STIL: variants seen among roughly 807,000 people sequenced by gnomAD.
STIL encodes SCL-interrupting locus protein.
Under a neutral mutation model 110.1 loss-of-function variants are expected in STIL, and 55 were observed. The observed-to-expected ratio is 0.50, with a 90% CI of 0.40 to 0.63. The LOEUF (loss-of-function observed/expected upper bound fraction) is 0.63, where lower values mean the gene tolerates loss of function less well. STIL is among the 20% of genes least tolerant of loss of function. The probability of loss-of-function intolerance (pLI) is 0.00; values close to 1 mark genes in which losing one functional copy is unlikely to be tolerated. For missense variants in STIL, 1,358 were observed against 1,530.0 expected (o/e 0.89, Z 1.87); for synonymous variants, 481 against 530.0 (o/e 0.91, Z 1.27).
chr1:47,276,616 T>G (rs1230633383), intron 12 of STIL, among the ~76,000 whole-genome samples: 1 of 151,692 alleles, frequency 6.6e-6, no homozygotes, highest in Non-Finnish European at 1.5e-5. Context: ...GAGATCAGCC[T>G]GGCCAACATG....
In STIL at chr1:47,269,865, A is replaced by G. The variant is rs1168359252; in HGVS notation, c.2385T>C (p.Gly795=). ...RKGVSIAVST[G]ASLFWNAAGE... is the part of the protein sequence containing the mutation. Reference sequence around the variant, plus strand: ...CTGCTGCATTCCAAAACAAGCTAGCACCTGGAGGTTAAATAATTTAAGATA... The same window carrying G: ...CTGCTGCATTCCAAAACAAGCTAGCGCCTGGAGGTTAAATAATTTAAGATA... Residue 795 remains glycine (G), a splice_region_variant and synonymous_variant, in exon 14 of 17, where the codon GGT becomes GGC. Transcript: ENST00000371877. 6.2e-7 allele frequency: 1 copy of G among 1,612,622 alleles called. No individual in the cohort carries two copies. The highest frequency in any genetic ancestry group is 8.5e-7 in the Non-Finnish European group (1 of 1,178,606).
intron 14 of STIL, among the ~76,000 whole-genome samples, chr1:47,269,054 G>A (rs1452921901): frequency 6.7e-6 from 1 of 149,340 alleles, no homozygotes; most frequent in Non-Finnish European, 1.5e-5. Context: ...TTGCACCACT[G>A]CACTCCAGCC....
intron 14 of STIL, among the ~76,000 whole-genome samples, chr1:47,263,855 C>T (rs1458476342): frequency 6.9e-6 from 1 of 145,194 alleles, no homozygotes; most frequent in Non-Finnish European, 1.5e-5. Context: ...TGGGTTCAAG[C>T]GATTCTCCTG....
chr1:47,280,262 C>A lies in STIL; in HGVS notation c.2196G>T (p.Gln732His), dbSNP rs200437829. The A allele has an allele frequency of 2.7e-5, 44 of 1,614,074 alleles. No individual in the cohort carries two copies. Among genetic ancestry groups the A allele is most frequent in the Non-Finnish European group, 3.4e-5 (40 of 1,180,030 alleles). ...AAACCTGTGCCTGAAGTAGTCTTAG[C>A]TGTCTGTCTTGTTCTGTGAGGAACC... ...AYRFLTEQDR[Q>H]LRLLQAQIQR... is the part of the protein sequence containing the mutation. Residue 732 changes from glutamine (Q) to histidine (H), a missense_variant, in exon 12 of 17, where the codon CAG becomes CAT. Transcript: ENST00000371877.
At chr1:47,265,467 T>A (rs1174437217) in intron 14 of STIL, among the ~76,000 whole-genome samples, 2 of 146,420 alleles carry the variant, frequency 1.4e-5, no homozygotes, top group East Asian at 3.9e-4. Context: ...CAAACTGTAG[T>A]TTTTTTTAAT....
chr1:47,251,877 G>A lies in STIL; in HGVS notation c.3126C>T (p.Asn1042=). 1 of 1,609,690 alleles carries A rather than the reference G, an allele frequency of 6.2e-7. No individual in the cohort carries two copies. Among genetic ancestry groups the A allele is most frequent in the South Asian group, 1.1e-5 (1 of 90,038 alleles). Residue 1042 remains asparagine, a synonymous_variant, in exon 17 of 17, where the codon AAC becomes AAT. Transcript: ENST00000371877. ...TGCCAACATTAGCAAATGACATGCA[G>A]TTTAATCCAGAGATCACTGCTTCTG... ...ISPEAVISGL[N]CMSFANVGMS...
At position 47,307,374 on chromosome 1, in the gene STIL, G is replaced by A. The variant is rs1024984914; in HGVS notation, c.45-2378C>T. Among the ~76,000 whole-genome samples the A allele has an allele frequency of 8.5e-5, 13 of 152,314 alleles. No individual in the cohort carries two copies. The South Asian group carries it at 1.7e-3, about 19-fold the overall frequency. On this transcript the variant is annotated intron_variant, in intron 2 of 16. Transcript: ENST00000371877. ...CCGGCCGAAGCCATGACTGAAGGAC[G>A]TGGATTGTGAAGATTTTATGGACAT...
chr1:47,251,938 T>C lies in STIL; in HGVS notation c.3081-16A>G, dbSNP rs769193795. 6.2e-7 allele frequency: 1 copy of C among 1,608,262 alleles called. No homozygotes were observed. The highest frequency in any genetic ancestry group is 8.5e-7 in the Non-Finnish European group (1 of 1,178,680). ...TGCCAACACACTGAAAGACACAAAGTAGTAAGCCATCATTTACCATATTCT... is the reference window on the plus strand; with the variant it reads ...TGCCAACACACTGAAAGACACAAAGCAGTAAGCCATCATTTACCATATTCT... On this transcript the variant is annotated splice_polypyrimidine_tract_variant and intron_variant, in intron 16 of 16. Transcript: ENST00000371877.
At chr1:47,280,106 G>T in intron 12 of STIL, 135 bp downstream of exon 12, 2 of 1,197,338 alleles carry the variant, frequency 1.7e-6, no homozygotes, top group Non-Finnish European at 2.4e-6. Context: ...AGAGGGCCTA[G>T]AATTCAGTTT....
Position 47,310,259 on chromosome 1 carries a change from T to C in STIL, c.44+17A>G. ...TGAAAAGCTGTAAGACAAATATTTG[T>C]AAATATACTTCTATACCTGGTATTC... On this transcript the variant is annotated intron_variant, in intron 2 of 16. Coordinates refer to ENST00000371877, the MANE Select transcript of STIL (RefSeq NM_001048166.1). 6.2e-7 allele frequency: 1 copy of C among 1,609,704 alleles called. No homozygotes were observed. The highest frequency in any genetic ancestry group is 8.5e-7 in the Non-Finnish European group (1 of 1,177,030).
chr1:47,259,995 C>G (rs1644437307), intron 16 of STIL, among the ~76,000 whole-genome samples: 1 of 152,206 alleles, frequency 6.6e-6, no homozygotes, highest in African/African-American at 2.4e-5. Context: ...CCTCAAGACT[C>G]CTAAAGTATT....
rs1416322354 is a variant in STIL, at chr1:47,250,419, A to T, written c.*717T>A. 4 of 170,504 alleles carry T rather than the reference A, an allele frequency of 2.3e-5. No individual in the cohort carries two copies. The Admixed American group carries it at 2.6e-4, about 11-fold the overall frequency. 10.6% of individuals were successfully genotyped at this position (170,504 alleles called of 1,614,324 possible). ...TGTTTTTAAAAATAACTTTTCCCTT[A>T]AACTTAGGAAGGGTTGATTTCGCTA... On this transcript the variant is annotated 3_prime_UTR_variant, in exon 17 of 17. Coordinates refer to ENST00000371877, the MANE Select transcript of STIL (RefSeq NM_001048166.1).
chr1:47,295,820 A>C lies in STIL; in HGVS notation c.730T>G (p.Leu244Val). 1 of 1,612,892 alleles carries C rather than the reference A, an allele frequency of 6.2e-7. No individual in the cohort carries two copies. The highest frequency in any genetic ancestry group is 8.5e-7 in the Non-Finnish European group (1 of 1,179,204). Residue 244 changes from leucine (L) to valine (V), a missense_variant, in exon 7 of 17, where the codon TTG (leucine) becomes GTG (valine). Leu to Val is a conservative substitution (Grantham distance 32). Transcript: ENST00000371877. The part of the protein sequence containing the change: ...GYLTMDETRK[L>V]LLLLESDPKV... ...GGATCAGATTCCAACAAAAGTAACA[A>C]TTTGCGTGTTTCATCCATGGTAAGA...
chr1:47,311,230 C>T (rs189863536), intron 1 of STIL, among the ~76,000 whole-genome samples: 311 of 152,022 alleles, frequency 2.0e-3, no homozygotes, highest in African/African-American at 7.2e-3. Context: ...CTATAGCAAA[C>T]CTTTAGCTCC....
chr1:47,314,103 C>G lies in STIL; in HGVS notation c.-111G>C, dbSNP rs1262489282. On this transcript the variant is annotated 5_prime_UTR_variant, in exon 1 of 17. Coordinates refer to ENST00000371877, the MANE Select transcript of STIL (RefSeq NM_001048166.1). The stretch of plus-strand genomic sequence containing the variant: ...GGGAGCCGGCTCCAAGGAGCGCCAC[C>G]GCCGACTCCGGCCCCGCCTCTGGGA... 4 of 152,266 alleles carry G rather than the reference C, an allele frequency of 2.6e-5. No homozygotes were observed. The highest frequency in any genetic ancestry group is 9.6e-5 in the African/African-American group (4 of 41,468). 9.4% of individuals were successfully genotyped at this position (152,266 alleles called of 1,614,324 possible).
intron 8 of STIL, among the ~76,000 whole-genome samples, chr1:47,290,348 T>C (rs1483003963): frequency 1.3e-5 from 2 of 152,224 alleles, no homozygotes; most frequent in Non-Finnish European, 1.5e-5. Context: ...ATCATCAATA[T>C]GTGTTTCTCT....
intron 2 of STIL, among the ~76,000 whole-genome samples, chr1:47,306,588 T>C (rs1645967849): frequency 6.6e-6 from 1 of 152,242 alleles, no homozygotes; most frequent in South Asian, 2.1e-4. Flanking sequence ...TTCCAGATAA[T>C]TGTTAGATAA....
rs1644526667 is a variant in STIL at position 47,262,915 on chromosome 1, G to A, written c.2817C>T (p.Tyr939=). ...TACATTTTCTTACCAATAAATCCTG[G>A]TAAATTTTCTGGTTATCTGATGGTT... ...LHQPSDNQKI[Y]QDLLGQVNHL... is the part of the protein sequence containing the mutation. The change falls in exon 15 of 17, where the codon TAC becomes TAT. Residue 939 remains tyrosine (Y), a synonymous_variant. Coordinates refer to ENST00000371877, the MANE Select transcript of STIL (RefSeq NM_001048166.1). 1.9e-6 allele frequency: 3 copies of A among 1,613,872 alleles called. No individual in the cohort carries two copies. Among genetic ancestry groups the A allele is most frequent in the Admixed American group, 1.7e-5 (1 of 59,986 alleles).
At chr1:47,314,560 T>C (rs1029992551), upstream of STIL, among the ~76,000 whole-genome samples, 4 of 152,198 alleles carry the variant, frequency 2.6e-5, no homozygotes, top group African/African-American at 9.7e-5. Flanking sequence ...TCCAAACTCT[T>C]TACCTGAAAG....
Sources: allele counts gnomAD v4.1 joint callset (sites outside exome capture counted in the v4.1 genomes callset), GRCh38; gene constraint gnomAD v4.1.1; transcripts MANE v1.5; gene names NCBI Gene and HGNC (gene_info 2026-07-23, HGNC 2026-07-21).